SERPINB6: variants seen among roughly 807,000 people sequenced by gnomAD.
The protein encoded by SERPINB6 is serpin B6.
A neutral mutation model predicts 26.1 loss-of-function variants in SERPINB6; 16 were observed. The observed-to-expected ratio is 0.61, with a 90% confidence interval of 0.42 to 0.93. The LOEUF (loss-of-function observed/expected upper bound fraction) is 0.93, where lower values mean the gene tolerates loss of function less well. Ranked by LOEUF, SERPINB6 falls within the 40% of genes least tolerant of loss-of-function variation. The pLI is 0.00. For missense variants in SERPINB6, 420 were observed against 478.0 expected (o/e 0.88, Z 1.13); for synonymous variants, 174 against 176.6 (o/e 0.99, Z 0.11).
chr6:2,956,030 C>T (rs1251703966), intron 2 of SERPINB6: 3 of 258,216 alleles, frequency 1.2e-5, no homozygotes, highest in Non-Finnish European at 1.5e-5. Flanking sequence ...GAGCTGAGAT[C>T]GTGCCACTGC....
Position 2,948,526 on chromosome 6 carries a change from G to A in SERPINB6, c.903C>T (p.Asp301=), listed in dbSNP as rs1362811000. 2 of 1,614,190 alleles carry A rather than the reference G, an allele frequency of 1.2e-6. No homozygotes were observed. The highest frequency in any genetic ancestry group is 2.2e-5 in the South Asian group (2 of 91,078). ...GGTCTGTCTGGGACATTCCAGAGAA[G>A]TCTGCCTTGCCCAGCTCGAAGGCAT... The part of the protein sequence containing the change: ...MTDAFELGKA[D]FSGMSQTDLS... Residue 301 remains aspartate, a synonymous_variant, in exon 7 of 7, where the codon GAC becomes GAT. Transcript: ENST00000380539. The surrounding 1 kb of genome is among the most constrained non-coding windows in gnomAD (Gnocchi z 5.0).
At chr6:2,969,631 A>T (rs1771946374) in intron 1 of SERPINB6, 1 of 984,236 alleles carries the variant, frequency 1.0e-6, no homozygotes, top group African/African-American at 1.7e-5. Context: ...ATTTTTTTTT[A>T]GGTGTCACTA....
chr6:2,970,781 G>A (rs898282775), intron 1 of SERPINB6: 2 of 1,161,824 alleles, frequency 1.7e-6, no homozygotes, highest in Non-Finnish European at 1.1e-6. Flanking sequence ...TGTAGTTAAA[G>A]TTTCCTCTTT....
intron 2 of SERPINB6, among the ~76,000 whole-genome samples, chr6:2,958,542 C>T (rs543228592): frequency 7.2e-5 from 11 of 152,152 alleles, no homozygotes; most frequent in African/African-American, 2.2e-4. Flanking sequence ...GCCCAGGCAA[C>T]GCTGCTGAAG....
chr6:2,966,491 C>T (rs1771658085), intron 1 of SERPINB6: 2 of 796,380 alleles, frequency 2.5e-6, no homozygotes, highest in South Asian at 5.7e-5. Flanking sequence ...GCGAACATCA[C>T]CGCCTGAGCT....
Position 2,967,446 on chromosome 6 carries a change from A to T in SERPINB6, c.-11+4087T>A, listed in dbSNP as rs1771737507. 6.5e-6 allele frequency: 1 copy of T among 153,528 alleles called. No homozygotes were observed. The highest frequency in any genetic ancestry group is 1.4e-5 in the Non-Finnish European group (1 of 69,276). The allele number at this position is 153,528 out of a possible 1,614,324, so 9.5% of individuals were successfully genotyped here. A position where few individuals can be genotyped will look rare whatever the true frequency, so the allele number is the denominator to read the frequency against. ...ACAAAAGCAAAAATTGACAAATAGG[A>T]TCTAATTAAACTTAAGCACTCCTGC... On this transcript the variant is annotated intron_variant, in intron 1 of 6. Transcript: ENST00000380539. This position sits in a 1 kb window ranked among gnomAD's most constrained non-coding sequence, Gnocchi z 4.3.
At position 2,948,574 on chromosome 6, in the gene SERPINB6, G is replaced by C; in HGVS notation, c.855C>G (p.Val285=). ...CATCAGTCATGCCCAGGTTGCGCAG[G>C]ACACTCTCCATGTCGTAGCTTTCCT... is the stretch of plus-strand genomic sequence containing the variant. ...KLEESYDMES[V]LRNLGMTDAF... is the part of the protein sequence containing the mutation. The change falls in exon 7 of 7, where the codon GTC becomes GTG. Residue 285 remains valine (V), a synonymous_variant. Coordinates refer to ENST00000380539, the MANE Select transcript of SERPINB6 (RefSeq NM_004568.6). This position sits in a 1 kb window ranked among gnomAD's most constrained non-coding sequence, Gnocchi z 5.0. 1 of 1,614,196 alleles carries C rather than the reference G, an allele frequency of 6.2e-7. No individual in the cohort carries two copies.
chr6:2,955,186 T>G, intron 3 of SERPINB6: 1 of 270,010 alleles, frequency 3.7e-6, no homozygotes, highest in Non-Finnish European at 6.7e-6. Flanking sequence ...CGAGATTCTG[T>G]CTCAAAAAAA....
At chr6:2,954,505 T>C in intron 4 of SERPINB6, 87 bp downstream of exon 4, 2 of 1,063,184 alleles carry the variant, frequency 1.9e-6, no homozygotes, top group Middle Eastern at 2.0e-4. Context: ...AAATCATTCC[T>C]GTTTACAATT....
intron 2 of SERPINB6, chr6:2,957,611 G>C (rs1770641186): frequency 6.6e-6 from 1 of 152,286 alleles, no homozygotes; most frequent in African/African-American, 2.4e-5. Context: ...GATGGCGGTG[G>C]GGGTGCTTTT....
chr6:2,966,547 G>T, intron 1 of SERPINB6: 1 of 259,988 alleles, frequency 3.8e-6, no homozygotes, highest in Non-Finnish European at 6.0e-6. Flanking sequence ...TTGTAGGAGA[G>T]TGAACCTACG....
At chr6:2,961,958 T>C in intron 1 of SERPINB6, 1 of 984,192 alleles carries the variant, frequency 1.0e-6, no homozygotes, top group Non-Finnish European at 1.2e-6. Context: ...ACGCCTGGCC[T>C]CAAGTGATCT....
At chr6:2,952,007 C>T (rs539849440) in intron 5 of SERPINB6, among the ~76,000 whole-genome samples, 32 of 152,336 alleles carry the variant, frequency 2.1e-4, no homozygotes, top group African/African-American at 7.0e-4. Flanking sequence ...CTGGGATCAT[C>T]GCCCCAGTGC....
chr6:2,953,027 C>A lies in SERPINB6; in HGVS notation c.573+17G>T. The A allele has an allele frequency of 6.2e-7, 1 of 1,614,128 alleles. No homozygotes were observed. Among genetic ancestry groups the A allele is most frequent in the Non-Finnish European group, 8.5e-7 (1 of 1,180,038 alleles). ...GTGTGAACACAGGCGCTGCTCCTGT[C>A]ACGGCCCCTTACTCGCCTTGCTGAC... On this transcript the variant is annotated intron_variant, in intron 5 of 6. Coordinates refer to ENST00000380539, the MANE Select transcript of SERPINB6 (RefSeq NM_004568.6).
intron 1 of SERPINB6, 26 bp from the exon 2 acceptor site, chr6:2,959,368 C>G (rs1262565812): frequency 1.2e-6 from 2 of 1,610,742 alleles, no homozygotes; most frequent in Non-Finnish European, 1.7e-6. Context: ...AAATCAGTAT[C>G]ACTTAAGCAC....
At chr6:2,962,112 T>C (rs925885697) in intron 1 of SERPINB6, 1 of 985,406 alleles carries the variant, frequency 1.0e-6, no homozygotes, top group African/African-American at 1.7e-5. Context: ...GAGAATCTGT[T>C]TCAGGCGCTG....
At chr6:2,961,981 C>T in intron 1 of SERPINB6, 2 of 983,634 alleles carry the variant, frequency 2.0e-6, no homozygotes, top group Non-Finnish European at 2.4e-6. Flanking sequence ...CTGCCTCAGC[C>T]TCCCAAGGTG....
At position 2,948,387 on chromosome 6, in the gene SERPINB6, G is replaced by A. The variant is rs774270238; in HGVS notation, c.1042C>T (p.Arg348Cys). The A allele has an allele frequency of 1.6e-5, 26 of 1,614,048 alleles. No homozygotes were observed. The highest frequency in any genetic ancestry group is 7.7e-5 in the South Asian group (7 of 91,082). ...MMMRCARFVP[R>C]FCADHPFLFF... ...AGGAAGGGGTGGTCGGCGCAGAAGC[G>A]GGGGACGAATCTGGCACACCGCATC... Residue 348 changes from arginine to cysteine, a missense_variant, in exon 7 of 7, where the codon CGC becomes TGC. Coordinates refer to ENST00000380539, the MANE Select transcript of SERPINB6 (RefSeq NM_004568.6). This position sits in a 1 kb window ranked among gnomAD's most constrained non-coding sequence, Gnocchi z 5.0.
intron 5 of SERPINB6, among the ~76,000 whole-genome samples, chr6:2,951,721 C>T (rs527433510): frequency 6.6e-6 from 1 of 152,238 alleles, no homozygotes; most frequent in Non-Finnish European, 1.5e-5. Context: ...ACGCTCAATA[C>T]TGCAGCCCCT....
Sources: allele counts gnomAD v4.1 joint callset (sites outside exome capture counted in the v4.1 genomes callset), GRCh38; gene constraint gnomAD v4.1.1; non-coding constraint Gnocchi (gnomAD v3.1); transcripts MANE v1.5; gene names NCBI Gene and HGNC (gene_info 2026-07-23, HGNC 2026-07-21).